SYNE2: variants seen among roughly 807,000 people sequenced by gnomAD.
The protein encoded by SYNE2 is spectrin repeat containing nuclear envelope protein 2.
In SYNE2, 431 loss-of-function variants were observed where a neutral mutation model predicts 856.3. The ratio of observed to expected loss-of-function variants is 0.50; its 90% CI spans 0.47 to 0.55. SYNE2 has a LOEUF of 0.55. Ranked by LOEUF, SYNE2 falls within the 20% of genes least tolerant of loss-of-function variation. The pLI is 0.00. For missense variants in SYNE2, 8,129 were observed against 8,023.2 expected (o/e 1.01, Z -0.50); for synonymous variants, 2,923 against 2,872.3 (o/e 1.02, Z -0.56).
intron 96 of SYNE2, among the ~76,000 whole-genome samples, chr14:64,184,743 T>C (rs1275476883): frequency 5.3e-5 from 8 of 152,184 alleles, no homozygotes; most frequent in Non-Finnish European, 7.3e-5. Context: ...AGACCAAAAG[T>C]AGGTAATAAA....
chr14:63,805,090 A>G (rs899308228), intron 1 of SYNE2, among the ~76,000 whole-genome samples: 7 of 152,114 alleles, frequency 4.6e-5, no homozygotes, highest in Non-Finnish European at 5.9e-5. Flanking sequence ...AACCTGTTTC[A>G]TTGGTCTGTG....
intron 1 of SYNE2, chr14:63,808,600 G>GT (rs2139819347): frequency 6.6e-6 from 1 of 152,640 alleles, no homozygotes; most frequent in South Asian, 2.1e-4. Flanking sequence ...CATGGTACTG[G>GT]GCATGACCAG....
intron 11 of SYNE2, among the ~76,000 whole-genome samples, chr14:63,975,151 C>G (rs766949166): frequency 6.6e-6 from 1 of 151,628 alleles, no homozygotes; most frequent in Non-Finnish European, 1.5e-5. Context: ...CATTCATACA[C>G]GACACATGGA....
At chr14:64,143,471 G>C (rs1451070694) in intron 82 of SYNE2, among the ~76,000 whole-genome samples, 1 of 152,180 alleles carries the variant, frequency 6.6e-6, no homozygotes, top group Non-Finnish European at 1.5e-5. Context: ...CCTCCCCCAG[G>C]AAGCTTTGTC....
At chr14:63,856,093 G>A (rs563193999) in intron 1 of SYNE2, among the ~76,000 whole-genome samples, 27 of 152,306 alleles carry the variant, frequency 1.8e-4, no homozygotes, top group Admixed American at 1.4e-3. Context: ...GCAGGAAAGA[G>A]CTAGGTGGTG....
chr14:64,068,522 TC>T, intron 51 of SYNE2, among the ~76,000 whole-genome samples: 1 of 152,248 alleles, frequency 6.6e-6, no homozygotes, highest in South Asian at 2.1e-4. Flanking sequence ...GTTTATTCAT[TC>T]CCAAGTTGAA....
intron 108 of SYNE2, among the ~76,000 whole-genome samples, chr14:64,217,568 A>G (rs2098672357): frequency 6.6e-6 from 1 of 152,238 alleles, no homozygotes; most frequent in Non-Finnish European, 1.5e-5. Flanking sequence ...ATTTTTAAAA[A>G]GAATAATAAG....
At chr14:63,766,762 T>G (rs1036793707) in intron 1 of SYNE2, among the ~76,000 whole-genome samples, 16 of 152,174 alleles carry the variant, frequency 1.1e-4, no homozygotes, top group African/African-American at 3.4e-4. Context: ...CTCACTCCCC[T>G]TCCCTCTAAA....
At chr14:63,869,731 T>C (rs1415722288) in intron 1 of SYNE2, among the ~76,000 whole-genome samples, 2 of 151,796 alleles carry the variant, frequency 1.3e-5, no homozygotes, top group African/African-American at 4.8e-5. Flanking sequence ...CAATAAAATG[T>C]TAGCTTCCTT....
chr14:64,078,448 T>C lies in SYNE2; in HGVS notation c.11023-18T>C. 1.2e-6 allele frequency: 2 copies of C among 1,613,408 alleles called. No homozygotes were observed. Among genetic ancestry groups the C allele is most frequent in the South Asian group, 1.1e-5 (1 of 91,002 alleles). Reference sequence around the variant, plus strand: ...AGACAACCTCTCTAAGCCAAATGCGTCTTTGTCTCTTTCACAGATTAGCAA... The same window carrying C: ...AGACAACCTCTCTAAGCCAAATGCGCCTTTGTCTCTTTCACAGATTAGCAA... On this transcript the variant is annotated intron_variant, in intron 54 of 115. Coordinates refer to ENST00000555002, the MANE Select transcript of SYNE2 (RefSeq NM_182914.3).
chr14:64,137,919 T>A lies in SYNE2; in HGVS notation c.14779T>A (p.Ser4927Thr). The A allele has an allele frequency of 6.2e-7, 1 of 1,614,184 alleles. No homozygotes were observed. Among genetic ancestry groups the A allele is most frequent in the South Asian group, 1.1e-5 (1 of 91,076 alleles). Residue 4927 changes from serine to threonine, a missense_variant, in exon 79 of 116, where the codon TCC becomes ACC. Coordinates refer to ENST00000555002, the MANE Select transcript of SYNE2 (RefSeq NM_182914.3). ...QIAKLEEQWL[S>T]LNKKIDHELH... Reference sequence around the variant, plus strand: ...CGCAAAACTGGAAGAGCAGTGGTTGTCCCTGAACAAGAAAATTGACCATGA... The same window carrying A: ...CGCAAAACTGGAAGAGCAGTGGTTGACCCTGAACAAGAAAATTGACCATGA...
In SYNE2 at chr14:64,212,871, G is replaced by A. The variant is rs766830821; in HGVS notation, c.18922G>A (p.Glu6308Lys). Residue 6308 changes from glutamate (E) to lysine (K), a missense_variant, in exon 105 of 116, where the codon GAG becomes AAG. By Grantham distance (56) the Glu-to-Lys change is moderately conservative. Coordinates refer to ENST00000555002, the MANE Select transcript of SYNE2 (RefSeq NM_182914.3). ...NKIDQLIVFG[E>K]QLIQKSEPLD... is the part of the protein sequence containing the mutation. Reference sequence around the variant, plus strand: ...GATTGATCAGCTCATTGTGTTTGGGGAGCAGCTGATTCAGAAGAGCGAGCC... The same window carrying A: ...GATTGATCAGCTCATTGTGTTTGGGAAGCAGCTGATTCAGAAGAGCGAGCC... The A allele has an allele frequency of 2.5e-6, 4 of 1,614,188 alleles. No individual in the cohort carries two copies. The Admixed American group carries it at 6.7e-5, about 27-fold the overall frequency.
intron 2 of SYNE2, among the ~76,000 whole-genome samples, chr14:63,939,759 A>G (rs2095880311): frequency 6.6e-6 from 1 of 152,220 alleles, no homozygotes; most frequent in African/African-American, 2.4e-5. Context: ...ACAAATGCGT[A>G]TTACTTTTTT....
At chr14:64,116,649 C>T (rs1431576897) in intron 66 of SYNE2, among the ~76,000 whole-genome samples, 2 of 152,200 alleles carry the variant, frequency 1.3e-5, no homozygotes, top group Non-Finnish European at 2.9e-5. Flanking sequence ...CTCCTGACCT[C>T]AGGTGATCCA....
intron 1 of SYNE2, among the ~76,000 whole-genome samples, chr14:63,832,866 C>CAA (rs36099684): frequency 0.091 from 5,884 of 64,342 alleles, 331 homozygotes; most frequent in South Asian, 0.12. Context: ...CTGTCTCTAC[C>CAA]AAAAAAAAAA....
chr14:64,061,299 A>G (rs1595224963), intron 49 of SYNE2, among the ~76,000 whole-genome samples: 1 of 152,160 alleles, frequency 6.6e-6, no homozygotes, highest in South Asian at 2.1e-4. Flanking sequence ...TTACTTAGCT[A>G]TTGATGGACA....
intron 99 of SYNE2, chr14:64,191,146 A>C: frequency 2.4e-6 from 1 of 421,460 alleles, no homozygotes; most frequent in Non-Finnish European, 4.2e-6. Context: ...CTTATTATTT[A>C]AATTTATTAT....
intron 80 of SYNE2, among the ~76,000 whole-genome samples, 167 bp from the exon 81 acceptor site, chr14:64,141,174 C>T (rs2098136358): frequency 6.6e-6 from 1 of 151,932 alleles, no homozygotes; most frequent in Admixed American, 6.6e-5. Context: ...TTTTGTTCCC[C>T]ATCGTGTATG....
intron 99 of SYNE2, among the ~76,000 whole-genome samples, chr14:64,192,930 C>A (rs2098524858): frequency 6.6e-6 from 1 of 152,218 alleles, no homozygotes; most frequent in Non-Finnish European, 1.5e-5. Context: ...CAGCTAGAAT[C>A]TAAGAAGCTC....
Sources: allele counts gnomAD v4.1 joint callset (sites outside exome capture counted in the v4.1 genomes callset), GRCh38; gene constraint gnomAD v4.1.1; transcripts MANE v1.5; gene names NCBI Gene and HGNC (gene_info 2026-07-23, HGNC 2026-07-21).